Variants in ERG observed in about 807,000 individuals in gnomAD.
ERG encodes the protein transcriptional regulator ERG.
ERG carries 9 observed loss-of-function variants against 55.3 expected under a neutral mutation model. The observed-to-expected ratio is 0.16, with a 90% CI of 0.10 to 0.28. The LOEUF is 0.28. Among genes scored for constraint, ERG ranks in the 10% least tolerant of loss-of-function variants. ERG has a pLI of 1.00. For missense variants in ERG, 434 were observed against 631.6 expected (o/e 0.69, Z 3.35); for synonymous variants, 223 against 237.3 (o/e 0.94, Z 0.55).
At chr21:38,506,655 C>T (rs1047169700) in intron 2 of ERG, among the ~76,000 whole-genome samples, 1 of 152,216 alleles carries the variant, frequency 6.6e-6, no homozygotes, top group Non-Finnish European at 1.5e-5. Flanking sequence ...CAACTTTCCT[C>T]TTCCTGCCTT....
At chr21:38,582,044 C>CAAAAAA (rs35717235) in intron 1 of ERG, among the ~76,000 whole-genome samples, 3 of 87,936 alleles carry the variant, frequency 3.4e-5, no homozygotes, top group African/African-American at 8.9e-5. Context: ...CTCCATCTCA[C>CAAAAAA]AAAAAAAAAA....
intron 2 of ERG, among the ~76,000 whole-genome samples, chr21:38,538,145 A>G (rs1208085128): frequency 6.6e-6 from 1 of 152,108 alleles, no homozygotes; most frequent in African/African-American, 2.4e-5. Flanking sequence ...CAGAAAGTAA[A>G]ATGATGGTTT....
chr21:38,370,494 G>A, the ERG span, among the ~76,000 whole-genome samples: 36 of 151,904 alleles, frequency 2.4e-4, no homozygotes, highest in African/African-American at 5.3e-4. Flanking sequence ...TTATAAAACC[G>A]TTTTGCACCT....
At chr21:38,385,059 A>G (rs957516185) in intron 9 of ERG, among the ~76,000 whole-genome samples, 1 of 152,230 alleles carries the variant, frequency 6.6e-6, no homozygotes, top group African/African-American at 2.4e-5. Flanking sequence ...AGCTGGGTGG[A>G]CAAAGTCAGA....
At chr21:38,448,702 C>G (rs1297136470) in intron 1 of ERG, among the ~76,000 whole-genome samples, 2 of 152,196 alleles carry the variant, frequency 1.3e-5, no homozygotes, top group African/African-American at 4.8e-5. Context: ...AAGGCACAGC[C>G]CTGCCACATC....
At chr21:38,447,002 G>A (rs892820410) in intron 1 of ERG, among the ~76,000 whole-genome samples, 2 of 151,906 alleles carry the variant, frequency 1.3e-5, no homozygotes, top group Non-Finnish European at 2.9e-5. Flanking sequence ...ATAAATAAGG[G>A]TGCTTCCCAT....
At chr21:38,438,758 A>C (rs2058814048) in intron 2 of ERG, among the ~76,000 whole-genome samples, 1 of 152,230 alleles carries the variant, frequency 6.6e-6, no homozygotes, top group African/African-American at 2.4e-5. Context: ...CTCCCAGATC[A>C]TTCGCTGGGT....
chr21:38,650,380 A>T (rs2060481674), intron 1 of ERG, among the ~76,000 whole-genome samples: 1 of 152,158 alleles, frequency 6.6e-6, no homozygotes, highest in Admixed American at 6.5e-5. Context: ...CTCAGCCTGT[A>T]ATCCCAACAC....
At chr21:38,427,860 G>C (rs1410001126) in intron 2 of ERG, among the ~76,000 whole-genome samples, 3 of 152,108 alleles carry the variant, frequency 2.0e-5, no homozygotes, top group Admixed American at 6.5e-5. Flanking sequence ...GATTCCTGGA[G>C]AAGAAAAGAA....
At chr21:38,589,755 C>T (rs2060088496), upstream of ERG, among the ~76,000 whole-genome samples, 1 of 152,114 alleles carries the variant, frequency 6.6e-6, no homozygotes. Context: ...GAGGGAAGTC[C>T]TTGTGTTTCT....
chr21:38,389,154 C>G lies in ERG; in HGVS notation c.919+1841G>C, dbSNP rs75432282. Among the ~76,000 whole-genome samples the G allele has an allele frequency of 7.3e-3, 1,106 of 152,310 alleles. 6 individuals carry two copies. Among genetic ancestry groups the G allele is most frequent in the African/African-American group, 0.025 (1,036 of 41,568 alleles). ...CAGTCCGCATTTTGTAAGACCTCCT[C>G]TTCCCTTCATACTTAGTCAGTGGCA... On this transcript the variant is annotated intron_variant, in intron 9 of 9. Coordinates refer to ENST00000288319, the MANE Select transcript of ERG (RefSeq NM_182918.4).
chr21:38,475,893 G>C (rs2059182866), intron 1 of ERG, among the ~76,000 whole-genome samples: 1 of 152,162 alleles, frequency 6.6e-6, no homozygotes, highest in African/African-American at 2.4e-5. Context: ...AAATGAATGA[G>C]TCAATTTCCA....
At chr21:38,469,996 G>T (rs1279853708) in intron 1 of ERG, among the ~76,000 whole-genome samples, 1 of 152,140 alleles carries the variant, frequency 6.6e-6, no homozygotes. Context: ...GTACTCCTAT[G>T]GTTTATGCAT....
intron 1 of ERG, among the ~76,000 whole-genome samples, chr21:38,661,193 G>C (rs1243246318): frequency 6.6e-6 from 1 of 151,822 alleles, no homozygotes; most frequent in African/African-American, 2.4e-5. Context: ...TGTGGGAGGG[G>C]GAGCCGCGGG....
At chr21:38,487,144 C>A (rs2059293572) in intron 1 of ERG, among the ~76,000 whole-genome samples, 1 of 28,796 alleles carries the variant, frequency 3.5e-5, no homozygotes. Context: ...TTTCACTATC[C>A]TGGAAAAAAA....
intron 1 of ERG, among the ~76,000 whole-genome samples, chr21:38,603,224 A>G (rs2060175253): frequency 6.6e-6 from 1 of 152,068 alleles, no homozygotes; most frequent in Admixed American, 6.5e-5. Context: ...CATCCAGAGC[A>G]AGTCCTTTGT....
At chr21:38,394,380 T>C (rs1988112157) in intron 6 of ERG, among the ~76,000 whole-genome samples, 1 of 149,716 alleles carries the variant, frequency 6.7e-6, no homozygotes, top group Non-Finnish European at 1.5e-5. Context: ...GGAGGTGGAG[T>C]CTCGCTCTGT....
At chr21:38,424,381 G>A (rs77720721) in intron 2 of ERG, among the ~76,000 whole-genome samples, 4,469 of 152,238 alleles carry the variant, frequency 0.029, 82 homozygotes, top group Non-Finnish European at 0.046. Flanking sequence ...CCAGTCTGTG[G>A]GGCTCTGTGA....
chr21:38,501,226 T>C (rs1056946819), upstream of ERG, among the ~76,000 whole-genome samples: 4 of 151,642 alleles, frequency 2.6e-5, no homozygotes, highest in Admixed American at 2.6e-4. Context: ...CCACCACACC[T>C]GGCTAATTTT....
Sources: gnomAD v4.1 joint callset for allele counts (sites outside exome capture counted in the v4.1 genomes callset) on GRCh38, gnomAD v4.1.1 for gene constraint, MANE v1.5 for transcripts, NCBI Gene and HGNC (gene_info 2026-07-23, HGNC 2026-07-21) for gene names.